Variants in NFIC observed in about 807,000 individuals in gnomAD.
NFIC encodes nuclear factor I C.
In NFIC, 12 loss-of-function variants were observed where a neutral mutation model predicts 54.4. The observed-to-expected ratio is 0.22, with a 90% confidence interval of 0.14 to 0.36. NFIC has a LOEUF of 0.36. NFIC is among the 10% of genes least tolerant of loss of function. The pLI is 1.00. For synonymous variants in NFIC, 322 were observed against 319.2 expected, an observed-to-expected ratio of 1.01 and a Z score of -0.09; for missense variants, 575 against 718.2, an observed-to-expected ratio of 0.80 and a Z score of 2.28.
Position 3,369,464 on chromosome 19 carries a change from T to TC in NFIC, c.30+2801dup, listed in dbSNP as rs1014878163. ...CAACCTGAGCCCAACCGAAAATAGC[T>TC]CCCTTTTAGCTGATCCGACCCGGAT... On this transcript the variant is annotated intron_variant, in intron 1 of 10. Coordinates refer to ENST00000443272, the MANE Select transcript of NFIC (RefSeq NM_001245002.2). This position sits in a 1 kb window ranked among gnomAD's most constrained non-coding sequence, Gnocchi z 4.3. Among the ~76,000 whole-genome samples the TC allele has an allele frequency of 6.6e-6, 1 of 150,668 alleles. No individual in the cohort carries two copies. Among genetic ancestry groups the TC allele is most frequent in the Non-Finnish European group, 1.5e-5 (1 of 67,466 alleles).
chr19:3,396,229 T>G (rs1174484445), intron 2 of NFIC, among the ~76,000 whole-genome samples: 1 of 150,518 alleles, frequency 6.6e-6, no homozygotes, highest in Non-Finnish European at 1.5e-5. Flanking sequence ...CCCAGCACTT[T>G]GGGAGGCTGA....
Position 3,463,677 on chromosome 19 carries a change from C to T in NFIC, c.*908C>T, listed in dbSNP as rs2082675382. The T allele has an allele frequency of 1.0e-5, 10 of 984,108 alleles. No homozygotes were observed. The highest frequency in any genetic ancestry group is 1.2e-5 in the Non-Finnish European group (10 of 829,330). 61.0% of individuals were successfully genotyped at this position (984,108 alleles called of 1,614,324 possible). Reference sequence around the variant, plus strand: ...CCCCCCCACCTCGCCCGGCTCACACCCCCAAAGGGAGGGACCCACATTGCA... The same window carrying T: ...CCCCCCCACCTCGCCCGGCTCACACTCCCAAAGGGAGGGACCCACATTGCA... On this transcript the variant is annotated 3_prime_UTR_variant, in exon 11 of 11. Transcript: ENST00000443272.
At position 3,378,461 on chromosome 19, in the gene NFIC, C is replaced by T. The variant is rs2081145267; in HGVS notation, c.31-3251C>T. Among the ~76,000 whole-genome samples, 3 of 152,186 alleles carry T rather than the reference C, an allele frequency of 2.0e-5. No homozygotes were observed. The South Asian group carries it at 6.2e-4, about 32-fold the overall frequency. On this transcript the variant is annotated intron_variant, in intron 1 of 10. Transcript: ENST00000443272. ...AAAATGGGAAGAATGGGAGGGGCCT[C>T]CCCACACCCAGACAGGGAGCTGGGG...
intron 10 of NFIC, 84 bp downstream of exon 10, chr19:3,456,719 C>A (rs1280323556): frequency 2.4e-6 from 3 of 1,252,542 alleles, no homozygotes; most frequent in African/African-American, 3.0e-5. Flanking sequence ...AGAGGGCCTG[C>A]TGGGTCCCAC....
At chr19:3,461,937 C>T (rs1160641684) in intron 10 of NFIC, among the ~76,000 whole-genome samples, 2 of 151,698 alleles carry the variant, frequency 1.3e-5, no homozygotes, top group Non-Finnish European at 2.9e-5. Context: ...GCCTGTAATC[C>T]CAGCTACTCG....
chr19:3,385,838 C>T (rs1044055775), intron 2 of NFIC, among the ~76,000 whole-genome samples: 16 of 151,888 alleles, frequency 1.1e-4, no homozygotes, highest in Non-Finnish European at 2.9e-5. Context: ...TCCCAAAGTG[C>T]TGGGATTACA....
At position 3,370,942 on chromosome 19, in the gene NFIC, T is replaced by C. The variant is rs1016642632; in HGVS notation, c.30+4276T>C. Among the ~76,000 whole-genome samples, 6 of 152,320 alleles carry C rather than the reference T, an allele frequency of 3.9e-5. 1 individual carries two copies. Among genetic ancestry groups the C allele is most frequent in the Admixed American group, 3.9e-4 (6 of 15,288 alleles). On this transcript the variant is annotated intron_variant, in intron 1 of 10. Coordinates refer to ENST00000443272, the MANE Select transcript of NFIC (RefSeq NM_001245002.2). The surrounding 1 kb of genome is among the most constrained non-coding windows in gnomAD (Gnocchi z 5.2). ...CCAAGTCCTGACCAGTTCACATCCA[T>C]GAGCACACGCTGGGCGCACACGCGT... is the stretch of plus-strand genomic sequence containing the variant.
At chr19:3,419,798 C>CAA (rs34788531) in intron 2 of NFIC, among the ~76,000 whole-genome samples, 6 of 139,108 alleles carry the variant, frequency 4.3e-5, no homozygotes, top group African/African-American at 1.1e-4. Context: ...TACTCTGTTC[C>CAA]AAAAAAAAAA....
intron 10 of NFIC, among the ~76,000 whole-genome samples, chr19:3,461,171 TGTG>T (rs1204952843): frequency 1.3e-5 from 2 of 150,050 alleles, no homozygotes; most frequent in African/African-American, 4.9e-5. Flanking sequence ...AGGCAGCTGA[TGTG>T]GTGGCTCATG....
At chr19:3,368,402 C>T (rs2080935510) in intron 1 of NFIC, among the ~76,000 whole-genome samples, 1 of 152,140 alleles carries the variant, frequency 6.6e-6, no homozygotes, top group South Asian at 2.1e-4. Context: ...CTAACTCGGC[C>T]TCAGTTTCTC....
intron 2 of NFIC, among the ~76,000 whole-genome samples, chr19:3,409,687 C>T (rs1043548371): frequency 6.6e-6 from 1 of 152,208 alleles, no homozygotes; most frequent in African/African-American, 2.4e-5. Flanking sequence ...CACGGCGATG[C>T]CTTTGTCATG....
intron 1 of NFIC, among the ~76,000 whole-genome samples, chr19:3,372,296 C>T (rs2081034570): frequency 6.6e-6 from 1 of 152,136 alleles, no homozygotes; most frequent in Non-Finnish European, 1.5e-5. Context: ...GCTGGGATTA[C>T]AGGCATGAGC....
intron 1 of NFIC, among the ~76,000 whole-genome samples, chr19:3,373,738 AC>A (rs1294906382): frequency 6.6e-6 from 1 of 150,604 alleles, no homozygotes; most frequent in Non-Finnish European, 1.5e-5. Context: ...GCTGATTTTA[AC>A]CATCCGTCCC....
chr19:3,455,507 A>G (rs2082538527), intron 9 of NFIC, among the ~76,000 whole-genome samples: 1 of 150,426 alleles, frequency 6.6e-6, no homozygotes, highest in African/African-American at 2.5e-5. Context: ...TAGACACTTA[A>G]TAGGTGCAGG....
intron 1 of NFIC, among the ~76,000 whole-genome samples, chr19:3,371,998 C>CTCTCTCT (rs2081026721): frequency 1.4e-4 from 5 of 35,370 alleles, no homozygotes; most frequent in African/African-American, 2.0e-4. Context: ...CCTCTCTCTC[C>CTCTCTCT]CTCTCTCTCT....
Position 3,381,791 on chromosome 19 carries a change from G to C in NFIC, c.110G>C (p.Arg37Pro), listed in dbSNP as rs141482719. The change falls in exon 2 of 11, where the codon CGG becomes CCG. Residue 37 changes from arginine (R) to proline (P), a missense_variant. By Grantham distance (103) the Arg-to-Pro change is moderately radical. Transcript: ENST00000443272. ...TACACCTGGTTCAACCTGCAGGCGC[G>C]GAAGCGCAAGTACTTCAAGAAGCAC... ...FAYTWFNLQARKRKYFKKHEK... is the reference protein window; with the variant it reads ...FAYTWFNLQAPKRKYFKKHEK... The C allele has an allele frequency of 6.2e-7, 1 of 1,613,864 alleles. No homozygotes were observed. Among genetic ancestry groups the C allele is most frequent in the African/African-American group, 1.3e-5 (1 of 74,944 alleles).
At chr19:3,436,190 G>A (rs2082199984) in intron 6 of NFIC, among the ~76,000 whole-genome samples, 1 of 151,610 alleles carries the variant, frequency 6.6e-6, no homozygotes, top group Non-Finnish European at 1.5e-5. Context: ...TGCTGCCCAG[G>A]CTGGAGTGCC....
At chr19:3,376,550 CAGTG>C (rs2081111892) in intron 1 of NFIC, among the ~76,000 whole-genome samples, 1 of 150,768 alleles carries the variant, frequency 6.6e-6, no homozygotes, top group South Asian at 2.1e-4. Flanking sequence ...CAAGGCAACA[CAGTG>C]AGTGAGACTC....
chr19:3,365,832 G>A (rs1200265771), upstream of NFIC, among the ~76,000 whole-genome samples: 6 of 151,172 alleles, frequency 4.0e-5, no homozygotes, highest in East Asian at 9.7e-4. Flanking sequence ...GGAGCCTCCC[G>A]TGTTAGCCTG....
Sources: gnomAD v4.1 joint callset for allele counts (sites outside exome capture counted in the v4.1 genomes callset) on GRCh38, gnomAD v4.1.1 for gene constraint, Gnocchi (gnomAD v3.1) non-coding constraint, MANE v1.5 for transcripts, NCBI Gene and HGNC (gene_info 2026-07-23, HGNC 2026-07-21) for gene names.